CEP76: variants seen among roughly 807,000 people sequenced by gnomAD.
The protein encoded by CEP76 is centrosomal protein of 76 kDa.
CEP76 carries 55 observed loss-of-function variants against 83.3 expected under a neutral mutation model. That is an observed-to-expected ratio of 0.66 (90% confidence interval 0.53 to 0.83). CEP76 has a LOEUF of 0.83. CEP76 is among the 40% of genes least tolerant of loss of function. CEP76 has a pLI of 0.00. For synonymous variants in CEP76, 270 were observed against 274.5 expected (o/e 0.98, Z 0.16); for missense variants, 694 against 799.5 (o/e 0.87, Z 1.59).
At chr18:12,674,032 T>C (rs576287731) in intron 11 of CEP76, among the ~76,000 whole-genome samples, 3 of 152,244 alleles carry the variant, frequency 2.0e-5, no homozygotes, top group South Asian at 4.1e-4. Flanking sequence ...ACTGGGCAAA[T>C]AATCCCAGAC....
At chr18:12,670,128 G>A (rs1479028979), downstream of CEP76, among the ~76,000 whole-genome samples, 2 of 152,056 alleles carry the variant, frequency 1.3e-5, no homozygotes, top group Non-Finnish European at 1.5e-5. Context: ...TCAGGAGTTC[G>A]CGACCAGCCT....
chr18:12,680,959 G>GATT, intron 8 of CEP76, 131 bp from the exon 9 acceptor site: 5 of 782,310 alleles, frequency 6.4e-6, no homozygotes, highest in Non-Finnish European at 9.6e-6. Context: ...AACACTTTGG[G>GATT]AGGCCAAGGC....
rs989811985 is a variant in CEP76, at chr18:12,702,717, T to A, written c.-169A>T. 2.9e-6 allele frequency: 2 copies of A among 695,686 alleles called. No individual in the cohort carries two copies. Among genetic ancestry groups the A allele is most frequent in the Non-Finnish European group, 4.6e-6 (2 of 438,768 alleles). 43.1% of individuals were successfully genotyped at this position (695,686 alleles called of 1,614,324 possible). On this transcript the variant is annotated 5_prime_UTR_variant, in exon 1 of 12. Transcript: ENST00000262127. Reference sequence around the variant, plus strand: ...CGCCGCGTCAGGCCGGGGGCTGACCTGGAAATGAGGCCCCGGCGGCGGCGG... The same window carrying A: ...CGCCGCGTCAGGCCGGGGGCTGACCAGGAAATGAGGCCCCGGCGGCGGCGG...
At chr18:12,672,507 A>G (rs1159567016), downstream of CEP76, 1 of 219,080 alleles carries the variant, frequency 4.6e-6, no homozygotes, top group Non-Finnish European at 7.7e-6. Context: ...CACACAATCA[A>G]TCTCTTATTT....
At chr18:12,697,176 G>A in intron 5 of CEP76, 47 bp downstream of exon 5, 1 of 1,236,036 alleles carries the variant, frequency 8.1e-7, no homozygotes, top group South Asian at 1.5e-5. Context: ...ATTTACAAAT[G>A]AACTGTGGCT....
chr18:12,700,809 C>T, intron 2 of CEP76, 149 bp downstream of exon 2: 1 of 580,522 alleles, frequency 1.7e-6, no homozygotes, highest in South Asian at 2.5e-5. Flanking sequence ...GCAGAGCTAG[C>T]CTATACTTGA....
chr18:12,672,998 A>AT lies in CEP76; in HGVS notation c.*366dup, dbSNP rs762867761. ...CCTGTGAAAAGTAATGATCATACTG[A>AT]TTTGTCTAGGGCTCAAACCCTTAGA... is the stretch of plus-strand genomic sequence containing the variant. On this transcript the variant is annotated 3_prime_UTR_variant, in exon 12 of 12. Coordinates refer to ENST00000262127, the MANE Select transcript of CEP76 (RefSeq NM_024899.4). 12 of 993,720 alleles carry AT rather than the reference A, an allele frequency of 1.2e-5. No individual in the cohort carries two copies. The highest frequency in any genetic ancestry group is 1.4e-5 in the Non-Finnish European group (12 of 835,634). The allele number at this position is 993,720 out of a possible 1,614,324, so 61.6% of individuals were successfully genotyped here. A position where few individuals can be genotyped will look rare whatever the true frequency, so the allele number is the denominator to read the frequency against.
Position 12,691,504 on chromosome 18 carries a change from AT to A in CEP76, c.805-18del, listed in dbSNP as rs779165813. On this transcript the variant is annotated intron_variant, in intron 6 of 11. Coordinates refer to ENST00000262127, the MANE Select transcript of CEP76 (RefSeq NM_024899.4). ...CAAAGCAAGCTTGAAATTGAAAAAA[AT>A]ATTTTTCAATTTCTATTCATTATCT... 7 of 1,561,314 alleles carry A rather than the reference AT, an allele frequency of 4.5e-6. No homozygotes were observed. Among genetic ancestry groups the A allele is most frequent in the South Asian group, 2.4e-5 (2 of 84,064 alleles).
intron 9 of CEP76, among the ~76,000 whole-genome samples, chr18:12,678,833 G>A (rs2039240270): frequency 6.6e-6 from 1 of 152,056 alleles, no homozygotes; most frequent in Non-Finnish European, 1.5e-5. Context: ...GCACGTGCCT[G>A]TAGTCCCAGC....
At chr18:12,694,723 T>C (rs1303823459) in intron 6 of CEP76, among the ~76,000 whole-genome samples, 2 of 149,146 alleles carry the variant, frequency 1.3e-5, no homozygotes, top group Non-Finnish European at 3.0e-5. Flanking sequence ...TTTTTTTTTC[T>C]TTTTTTGAGA....
At chr18:12,662,858 T>C (rs573418936) in intron 12 of CEP76, among the ~76,000 whole-genome samples, 2 of 152,352 alleles carry the variant, frequency 1.3e-5, no homozygotes, top group South Asian at 4.1e-4. Context: ...AATGGGTTCA[T>C]GAGAGACCCT....
At chr18:12,678,696 C>T (rs539070506) in intron 9 of CEP76, among the ~76,000 whole-genome samples, 1 of 152,166 alleles carries the variant, frequency 6.6e-6, no homozygotes, top group Admixed American at 6.6e-5. Context: ...AGGCCGGATG[C>T]GGTAGTCCCA....
chr18:12,701,336 TCAAC>T (rs2040143291), intron 1 of CEP76, among the ~76,000 whole-genome samples: 1 of 152,014 alleles, frequency 6.6e-6, no homozygotes, highest in Non-Finnish European at 1.5e-5. Context: ...CAAACAACAC[TCAAC>T]CAAAAGGAAT....
chr18:12,664,208 C>T (rs562871662), intron 12 of CEP76, among the ~76,000 whole-genome samples: 13 of 151,958 alleles, frequency 8.6e-5, no homozygotes, highest in South Asian at 4.2e-4. Context: ...CTGAATGGGC[C>T]GGGACTACAG....
intron 12 of CEP76, among the ~76,000 whole-genome samples, chr18:12,664,655 G>A (rs1355835557): frequency 3.3e-5 from 5 of 151,812 alleles, no homozygotes; most frequent in Non-Finnish European, 7.4e-5. Context: ...AAAGTGCTGG[G>A]ATTACAGGTT....
At chr18:12,690,629 G>T (rs375382741) in intron 7 of CEP76, among the ~76,000 whole-genome samples, 2 of 152,014 alleles carry the variant, frequency 1.3e-5, no homozygotes, top group East Asian at 3.9e-4. Context: ...CTAATTTTTT[G>T]TGTTTTTAGT....
intron 12 of CEP76, chr18:12,662,212 T>A (rs542041224): frequency 2.2e-6 from 1 of 444,510 alleles, no homozygotes; most frequent in African/African-American, 2.0e-5. Context: ...AACAGCATAT[T>A]TTTTAATGTT....
Position 12,702,509 on chromosome 18 carries a change from G to A in CEP76, c.40C>T (p.Leu14Phe). 6.2e-7 allele frequency: 1 copy of A among 1,609,872 alleles called. No homozygotes were observed. Among genetic ancestry groups the A allele is most frequent in the Non-Finnish European group, 8.5e-7 (1 of 1,178,782 alleles). ...PPEKASELKQ[L>F]IHQQLSKMDV... ...ACCTTGCTCAGCTGCTGGTGGATGA[G>A]CTGCTTCAGCTCGGAGGCTTTCTCC... The change falls in exon 1 of 12, where the codon CTC becomes TTC. Residue 14 changes from leucine to phenylalanine, a missense_variant. Leu to Phe is a conservative substitution (Grantham distance 22). Coordinates refer to ENST00000262127, the MANE Select transcript of CEP76 (RefSeq NM_024899.4).
chr18:12,673,589 AT>A, intron 11 of CEP76, 86 bp from the exon 12 acceptor site: 1 of 1,187,116 alleles, frequency 8.4e-7, no homozygotes, highest in East Asian at 2.8e-5. Context: ...ATTTAAAATA[AT>A]TTTTTCAGGC....
Sources: allele counts gnomAD v4.1 joint callset (sites outside exome capture counted in the v4.1 genomes callset), GRCh38; gene constraint gnomAD v4.1.1; transcripts MANE v1.5; gene names NCBI Gene and HGNC (gene_info 2026-07-23, HGNC 2026-07-21).